Variants in DAB1 observed in about 807,000 individuals in gnomAD.
DAB1 encodes the protein DAB adaptor protein 1.
In DAB1, 15 loss-of-function variants were observed where a neutral mutation model predicts 64.6. That is an observed-to-expected ratio of 0.23 (90% CI 0.16 to 0.36). The LOEUF is 0.36. Ranked by LOEUF, DAB1 falls within the 10% of genes least tolerant of loss-of-function variation. The pLI is 1.00. For synonymous variants in DAB1, 235 were observed against 251.9 expected, an observed-to-expected ratio of 0.93 and a Z score of 0.64; for missense variants, 596 against 706.7, an observed-to-expected ratio of 0.84 and a Z score of 1.78.
chr1:57,150,691 C>A (rs1439098996), intron 2 of DAB1, among the ~76,000 whole-genome samples: 1 of 152,066 alleles, frequency 6.6e-6, no homozygotes, highest in African/African-American at 2.4e-5. Context: ...GGAGAGATGG[C>A]ATTTGAGTAA....
chr1:58,363,153 G>A (rs189314502), intron 3 of DAB1, among the ~76,000 whole-genome samples: 1 of 152,298 alleles, frequency 6.6e-6, no homozygotes, highest in African/African-American at 2.4e-5. Context: ...TTATCACATT[G>A]TAGGGGTTAG....
chr1:58,107,638 T>C (rs1651739482), intron 5 of DAB1, among the ~76,000 whole-genome samples: 1 of 152,014 alleles, frequency 6.6e-6, no homozygotes, highest in South Asian at 2.1e-4. Flanking sequence ...GTTTTTGAGA[T>C]GGAGTTTTGC....
At chr1:57,260,970 C>A (rs1570089796) in intron 2 of DAB1, among the ~76,000 whole-genome samples, 1 of 152,172 alleles carries the variant, frequency 6.6e-6, no homozygotes, top group Non-Finnish European at 1.5e-5. Flanking sequence ...AAGTTATTAA[C>A]CTCTCTGTGC....
At chr1:58,218,949 A>C (rs1556859) in intron 4 of DAB1, among the ~76,000 whole-genome samples, 101,173 of 149,614 alleles carry the variant, frequency 0.68, 36,528 homozygotes, top group Non-Finnish European at 0.83. Context: ...CACACTCTCC[A>C]TGTGGTTTTC....
chr1:57,651,532 G>A (rs909038253), intron 6 of DAB1, among the ~76,000 whole-genome samples: 5 of 152,074 alleles, frequency 3.3e-5, no homozygotes, highest in Non-Finnish European at 7.4e-5. Context: ...GGTAGACCTG[G>A]TTTAAATCCC....
intron 2 of DAB1, among the ~76,000 whole-genome samples, chr1:57,252,776 T>G (rs583845): frequency 0.62 from 93,606 of 152,054 alleles, 29,162 homozygotes; most frequent in African/African-American, 0.7. Flanking sequence ...TCCCTGTAAG[T>G]CCCTGTCGAC....
chr1:57,920,175 T>C (rs188637604), intron 5 of DAB1, among the ~76,000 whole-genome samples: 1 of 152,298 alleles, frequency 6.6e-6, no homozygotes, highest in African/African-American at 2.4e-5. Flanking sequence ...TTGAAGGTCA[T>C]TTAGTCTGAC....
Position 57,704,877 on chromosome 1 carries a change from TTTTC to T in DAB1, n.552-55216_552-55213del, listed in dbSNP as rs767803665. Among the ~76,000 whole-genome samples, 209 of 146,794 alleles carry T rather than the reference TTTTC, an allele frequency of 1.4e-3. 2 individuals are homozygous for T. Among genetic ancestry groups the T allele is most frequent in the Middle Eastern group, 0.011 (3 of 284 alleles). ...ATGCCCTTGCTCTTTGGGAAATTTC[TTTTC>T]CTTCCTTCCTTCCTTCCTTCCTTCC... On this transcript the variant is annotated intron_variant and non_coding_transcript_variant, in intron 6 of 20. Coordinates refer to the DAB1 transcript ENST00000485760.
chr1:57,193,449 C>T (rs1383717428), intron 2 of DAB1, among the ~76,000 whole-genome samples: 7 of 129,416 alleles, frequency 5.4e-5, no homozygotes, highest in South Asian at 4.8e-4. Flanking sequence ...TGCAGTGGCG[C>T]GATCTCGGCT....
intron 1 of DAB1, among the ~76,000 whole-genome samples, chr1:57,329,695 ACATACC>A (rs1676489422): frequency 6.6e-6 from 1 of 151,646 alleles, no homozygotes; most frequent in Non-Finnish European, 1.5e-5. Flanking sequence ...CAAAACAAAA[ACATACC>A]CATAGATACA....
chr1:57,724,711 G>A (rs1173208941), intron 6 of DAB1, among the ~76,000 whole-genome samples: 1 of 152,136 alleles, frequency 6.6e-6, no homozygotes, highest in Non-Finnish European at 1.5e-5. Context: ...TCTGCCATGA[G>A]CAGACCTCTC....
chr1:58,479,620 C>T (rs1245355830), intron 3 of DAB1, among the ~76,000 whole-genome samples: 1 of 152,160 alleles, frequency 6.6e-6, no homozygotes, highest in Non-Finnish European at 1.5e-5. Flanking sequence ...ACAGAAAACA[C>T]AAGTGGTCCC....
chr1:57,697,574 A>G (rs1646860030), intron 6 of DAB1, among the ~76,000 whole-genome samples: 1 of 152,176 alleles, frequency 6.6e-6, no homozygotes, highest in Non-Finnish European at 1.5e-5. Context: ...AATTAGTCAA[A>G]GTCATTAACA....
Position 57,261,903 on chromosome 1 carries a change from C to T in DAB1, c.67+29061G>A, listed in dbSNP as rs139132093. 6.2e-4 allele frequency among the ~76,000 whole-genome samples: 95 copies of T among 152,320 alleles called. 1 individual carries two copies. In the South Asian group the frequency reaches 0.017, roughly 27 times the overall value. On this transcript the variant is annotated intron_variant, in intron 2 of 14. Coordinates refer to ENST00000371236, the MANE Select transcript of DAB1 (RefSeq NM_001365792.1). ...CTATTATGTATGGAAGACAGGGACA[C>T]AGATAGTCACTGATTTATTTGTTAT...
At chr1:57,972,348 T>G (rs973758291) in intron 5 of DAB1, among the ~76,000 whole-genome samples, 1 of 152,202 alleles carries the variant, frequency 6.6e-6, no homozygotes, top group African/African-American at 2.4e-5. Flanking sequence ...GGGATCCTTC[T>G]GCCTCAGGCT....
At chr1:57,519,817 TG>T (rs1319931099) in intron 7 of DAB1, among the ~76,000 whole-genome samples, 1 of 152,244 alleles carries the variant, frequency 6.6e-6, no homozygotes, top group African/African-American at 2.4e-5. Context: ...GCACTTCTAT[TG>T]ATCTAAGGGA....
chr1:58,119,228 G>A (rs1249052804), intron 5 of DAB1, among the ~76,000 whole-genome samples: 3 of 9,208 alleles, frequency 3.3e-4, no homozygotes, highest in Non-Finnish European at 1.6e-3. Flanking sequence ...GTGTGTGCGT[G>A]TGTGTGTGTG....
chr1:57,558,064 A>G (rs1341369881), intron 7 of DAB1, among the ~76,000 whole-genome samples: 1 of 152,142 alleles, frequency 6.6e-6, no homozygotes, highest in Non-Finnish European at 1.5e-5. Context: ...CTACTGTTAA[A>G]GTGAGGGCAT....
At chr1:58,088,336 C>T (rs759241805) in intron 5 of DAB1, among the ~76,000 whole-genome samples, 1 of 152,168 alleles carries the variant, frequency 6.6e-6, no homozygotes, top group Non-Finnish European at 1.5e-5. Flanking sequence ...TTTGCTGAAA[C>T]GAATCCAAGT....
Sources: allele counts gnomAD v4.1 joint callset (sites outside exome capture counted in the v4.1 genomes callset), GRCh38; gene constraint gnomAD v4.1.1; transcripts MANE v1.5; gene names NCBI Gene and HGNC (gene_info 2026-07-23, HGNC 2026-07-21).